DOK5: variants seen among roughly 807,000 people sequenced by gnomAD.
The protein encoded by DOK5 is docking protein 5.
Under a neutral mutation model 43.3 loss-of-function variants are expected in DOK5, and 27 were observed. The observed-to-expected ratio is 0.62, with a 90% CI of 0.46 to 0.86. DOK5 has a LOEUF of 0.86. DOK5 is among the 40% of genes least tolerant of loss of function. DOK5 has a pLI of 0.00. For missense variants in DOK5, 373 were observed against 392.9 expected (o/e 0.95, Z 0.43); for synonymous variants, 146 against 140.1 (o/e 1.04, Z -0.30).
Position 54,643,584 on chromosome 20 carries a change from C to T in DOK5, c.856+6C>T, listed in dbSNP as rs765734321. ...ACAGCTCTACCGCTTGCAAGGTAAG[C>T]GTGGGGCTACCTGTGTCCAGGGTGT... On this transcript the variant is annotated splice_donor_region_variant and intron_variant, in intron 7 of 7. Transcript: ENST00000262593. 2.2e-5 allele frequency: 36 copies of T among 1,611,008 alleles called. No individual in the cohort carries two copies. The highest frequency in any genetic ancestry group is 1.6e-4 in the Middle Eastern group (1 of 6,078).
chr20:54,645,925 C>CAAAA lies in DOK5; in HGVS notation c.856+2375_856+2378dup, dbSNP rs550943378. 6.5e-4 allele frequency among the ~76,000 whole-genome samples: 56 copies of CAAAA among 85,870 alleles called. 1 individual carries two copies. The highest frequency in any genetic ancestry group is 9.3e-4 in the Non-Finnish European group (42 of 45,390). The allele number at this position is 85,870 out of a possible 152,430, so 56.3% of individuals were successfully genotyped here. A position where few individuals can be genotyped will look rare whatever the true frequency, so the allele number is the denominator to read the frequency against. ...AGAGCATGGCACATAGCAGATGCTG[C>CAAAA]AAAAAAAAAAAAAAAAAAAAAAAAA... On this transcript the variant is annotated intron_variant, in intron 7 of 7. Coordinates refer to ENST00000262593, the MANE Select transcript of DOK5 (RefSeq NM_018431.5).
At chr20:54,477,693 T>C (rs918215796) in intron 1 of DOK5, among the ~76,000 whole-genome samples, 21 of 151,666 alleles carry the variant, frequency 1.4e-4, no homozygotes, top group African/African-American at 4.8e-4. Flanking sequence ...TACTCCATCA[T>C]GTCAATGGAA....
intron 2 of DOK5, among the ~76,000 whole-genome samples, chr20:54,561,072 C>G (rs1984887701): frequency 6.6e-6 from 1 of 152,194 alleles, no homozygotes; most frequent in South Asian, 2.1e-4. Flanking sequence ...GCATGCAGCA[C>G]TCCCGCTGTA....
In DOK5 at chr20:54,534,335, A is replaced by C. The variant is rs558032353; in HGVS notation, c.67-20598A>C. ...CCAGAGTAGCTGAGACTACAGGCGC[A>C]CGCCACCATGCCCAGATAATTTTTG... On this transcript the variant is annotated intron_variant, in intron 1 of 7. Transcript: ENST00000262593. Among the ~76,000 whole-genome samples, 3 of 152,228 alleles carry C rather than the reference A, an allele frequency of 2.0e-5. No individual in the cohort carries two copies. In the South Asian group the frequency reaches 6.2e-4, roughly 32 times the overall value.
At chr20:54,571,237 T>C (rs1200290980) in intron 2 of DOK5, among the ~76,000 whole-genome samples, 2 of 152,202 alleles carry the variant, frequency 1.3e-5, no homozygotes, top group South Asian at 2.1e-4. Context: ...TCTTTATTCT[T>C]ACCTAGGTGA....
chr20:54,555,293 T>A (rs1278867139), intron 2 of DOK5: 1 of 415,886 alleles, frequency 2.4e-6, no homozygotes, highest in African/African-American at 2.0e-5. Context: ...GGACTTATCA[T>A]GTTGTTGTAC....
In DOK5 at chr20:54,490,631, G is replaced by A. The variant is rs139772398; in HGVS notation, c.66+14619G>A. ...AGACGGAGTCTTGCTGTGTCACCAG[G>A]CTGGAGTGCAGTGGCACGATATTGG... On this transcript the variant is annotated intron_variant, in intron 1 of 7. Transcript: ENST00000262593. Among the ~76,000 whole-genome samples the A allele has an allele frequency of 1.5e-3, 226 of 152,264 alleles. 1 individual carries two copies. Among genetic ancestry groups the A allele is most frequent in the African/African-American group, 5.2e-3 (214 of 41,544 alleles).
Position 54,591,744 on chromosome 20 carries a change from C to A in DOK5, c.538C>A (p.Pro180Thr). The stretch of plus-strand genomic sequence containing the variant: ...TCCCAGAGTCAAACTCATCTCTTGG[C>A]CGCTAAGCGCCCTGCGGCGGTATGG... ...QNPRVKLISWPLSALRRYGRD... is the reference protein window; with the variant it reads ...QNPRVKLISWTLSALRRYGRD... Residue 180 changes from proline to threonine, a missense_variant, in exon 5 of 8, where the codon CCG (proline) becomes ACG (threonine). Coordinates refer to ENST00000262593, the MANE Select transcript of DOK5 (RefSeq NM_018431.5). 6.2e-7 allele frequency: 1 copy of A among 1,614,198 alleles called. No homozygotes were observed. The highest frequency in any genetic ancestry group is 8.5e-7 in the Non-Finnish European group (1 of 1,180,042).
chr20:54,639,069 A>AT (rs901220151), intron 6 of DOK5, among the ~76,000 whole-genome samples: 2 of 152,106 alleles, frequency 1.3e-5, no homozygotes, highest in African/African-American at 4.8e-5. Flanking sequence ...TTCCTAAGCA[A>AT]TTTTTTCTAA....
chr20:54,489,672 A>T (rs1432480491), intron 1 of DOK5, among the ~76,000 whole-genome samples: 1 of 151,970 alleles, frequency 6.6e-6, no homozygotes, highest in Admixed American at 6.6e-5. Flanking sequence ...AGATACTAAG[A>T]GGTTCAGTTT....
chr20:54,614,338 A>G (rs1421806624), intron 6 of DOK5, among the ~76,000 whole-genome samples: 1 of 152,170 alleles, frequency 6.6e-6, no homozygotes, highest in South Asian at 2.1e-4. Context: ...ATGGAGAGAG[A>G]CAGAGGGAGG....
chr20:54,620,292 G>T (rs1986938542), intron 6 of DOK5, among the ~76,000 whole-genome samples: 1 of 152,168 alleles, frequency 6.6e-6, no homozygotes, highest in African/African-American at 2.4e-5. Context: ...AGGCTGGAGT[G>T]CAGCGGTGCA....
chr20:54,501,483 A>G (rs1170438151), intron 1 of DOK5, among the ~76,000 whole-genome samples: 4 of 150,234 alleles, frequency 2.7e-5, no homozygotes, highest in Non-Finnish European at 5.9e-5. Flanking sequence ...AAAAAAAAAA[A>G]AAAAAAAAAG....
chr20:54,480,951 CATCTATCTATCATCTATCATCT>C, intron 1 of DOK5, among the ~76,000 whole-genome samples: 1 of 113,814 alleles, frequency 8.8e-6, no homozygotes, highest in South Asian at 2.3e-4. Context: ...ATCTATCTAT[CATCTATCTATCATCTATCATCT>C]ATCTATCTAT....
At chr20:54,575,304 G>C (rs1376637796) in intron 2 of DOK5, among the ~76,000 whole-genome samples, 1 of 152,206 alleles carries the variant, frequency 6.6e-6, no homozygotes, top group Non-Finnish European at 1.5e-5. Flanking sequence ...GGACAGGCAT[G>C]GGCACACACA....
intron 6 of DOK5, among the ~76,000 whole-genome samples, chr20:54,630,242 C>A (rs764388155): frequency 5.9e-5 from 9 of 151,926 alleles, no homozygotes; most frequent in Non-Finnish European, 1.3e-4. Context: ...AGTGGTGGAT[C>A]CTGGGTATAT....
At chr20:54,489,317 C>T (rs1396313806) in intron 1 of DOK5, among the ~76,000 whole-genome samples, 2 of 152,100 alleles carry the variant, frequency 1.3e-5, no homozygotes, top group South Asian at 2.1e-4. Context: ...ATCTCCATTT[C>T]CTAGAATCAT....
chr20:54,545,544 A>T (rs1023866503), intron 1 of DOK5, among the ~76,000 whole-genome samples: 1 of 152,204 alleles, frequency 6.6e-6, no homozygotes, highest in Admixed American at 6.5e-5. Context: ...GAAGAGCAAA[A>T]GGCTGAGAGT....
intron 6 of DOK5, among the ~76,000 whole-genome samples, chr20:54,634,436 GCT>G (rs1978721884): frequency 1.0e-5 from 1 of 96,418 alleles, no homozygotes. Flanking sequence ...ATCATATCAT[GCT>G]TTTTTTTTTT....
Sources: gnomAD v4.1 joint callset for allele counts (sites outside exome capture counted in the v4.1 genomes callset) on GRCh38, gnomAD v4.1.1 for gene constraint, MANE v1.5 for transcripts, NCBI Gene and HGNC (gene_info 2026-07-23, HGNC 2026-07-21) for gene names.